Variants in TRIM68 observed in about 807,000 individuals in gnomAD.
TRIM68 encodes the protein tripartite motif containing 68.
A neutral mutation model predicts 41.9 loss-of-function variants in TRIM68; 36 were observed. The ratio of observed to expected loss-of-function variants is 0.86; its 90% CI spans 0.66 to 1.14. The LOEUF (loss-of-function observed/expected upper bound fraction) is 1.14. TRIM68 is among the 50% of genes most tolerant of loss of function. TRIM68 has a pLI of 0.00. For missense variants in TRIM68, 632 were observed against 605.1 expected (o/e 1.04, Z -0.47); for synonymous variants, 225 against 224.6 (o/e 1.00, Z -0.02).
Position 4,605,206 on chromosome 11 carries a change from C to A in TRIM68, c.299G>T (p.Arg100Leu). 6.2e-7 allele frequency: 1 copy of A among 1,614,264 alleles called. No homozygotes were observed. The highest frequency in any genetic ancestry group is 8.5e-7 in the Non-Finnish European group (1 of 1,180,044). ...GMGLKGDLCERHGEKLKMFCK... is the reference protein window; with the variant it reads ...GMGLKGDLCELHGEKLKMFCK... ...GAACATCTTCAGCTTTTCCCCATGG[C>A]GCTCACACAGGTCACCCTTCAGCCC... is the stretch of plus-strand genomic sequence containing the variant. The change falls in exon 2 of 7, where the codon CGC (arginine) becomes CTC (leucine). Residue 100 changes from arginine (R) to leucine (L), a missense_variant. Transcript: ENST00000300747.
chr11:4,601,776 A>G, intron 4 of TRIM68, 90 bp from the exon 5 acceptor site: 1 of 1,444,148 alleles, frequency 6.9e-7, no homozygotes, highest in Non-Finnish European at 9.7e-7. Flanking sequence ...TCTCTAGGGG[A>G]AGGGAGACAG....
Position 4,605,135 on chromosome 11 carries a change from G to C in TRIM68, c.370C>G (p.Pro124Ala). The part of the protein sequence containing the change: ...LIMCEACSQS[P>A]EHEAHSVVPM... The stretch of plus-strand genomic sequence containing the variant: ...ACAACACTGTGGGCCTCATGCTCTG[G>C]GGACTGGCTGCAGGCCTCACACATT... The change falls in exon 2 of 7, where the codon CCA (proline) becomes GCA (alanine). Residue 124 changes from proline to alanine, a missense_variant. Coordinates refer to ENST00000300747, the MANE Select transcript of TRIM68 (RefSeq NM_018073.8). The C allele has an allele frequency of 6.2e-7, 1 of 1,614,198 alleles. No homozygotes were observed. Among genetic ancestry groups the C allele is most frequent in the Non-Finnish European group, 8.5e-7 (1 of 1,180,036 alleles).
chr11:4,607,825 T>A (rs1057019596), intron 1 of TRIM68, among the ~76,000 whole-genome samples: 2 of 152,068 alleles, frequency 1.3e-5, no homozygotes, highest in Non-Finnish European at 2.9e-5. Flanking sequence ...GAAGGGCATT[T>A]GAGAAGGGGG....
chr11:4,603,183 G>A, intron 3 of TRIM68, 62 bp downstream of exon 3: 1 of 1,479,058 alleles, frequency 6.8e-7, no homozygotes, highest in South Asian at 1.1e-5. Flanking sequence ...TGCTACCCTA[G>A]GCCAGCTCCA....
In TRIM68 at chr11:4,602,286, G is replaced by A. The variant is rs1846503710; in HGVS notation, c.649C>T (p.Gln217Ter). The A allele has an allele frequency of 1.2e-6, 2 of 1,614,226 alleles. No individual in the cohort carries two copies. The highest frequency in any genetic ancestry group is 1.1e-5 in the South Asian group (1 of 91,090). ...TGCATGGTCTCCGCTGCCTCCCGCT[G>A]TAGGCTGGCCAGAGCTGCTGCTACC... ...AEVAAALASL[Q>*]REAAETMQKL... The change falls in exon 4 of 7, where the codon CAG becomes TAG. Residue 217 changes from glutamine (Q) to a stop codon, truncating the protein, a stop_gained. Transcript: ENST00000300747. LOFTEE classifies it high-confidence loss of function.
intron 1 of TRIM68, among the ~76,000 whole-genome samples, chr11:4,607,141 G>A (rs1846581231): frequency 1.3e-5 from 2 of 152,192 alleles, no homozygotes; most frequent in South Asian, 4.1e-4. Flanking sequence ...CAATCTACCT[G>A]ACTTGGGTGC....
intron 1 of TRIM68, among the ~76,000 whole-genome samples, chr11:4,607,224 T>C (rs961067505): frequency 1.3e-5 from 2 of 152,242 alleles, no homozygotes; most frequent in African/African-American, 2.4e-5. Context: ...TATTCGTCTA[T>C]TGTCTTACTT....
chr11:4,601,229 C>G lies in TRIM68; in HGVS notation c.807-102G>C. 4 of 876,318 alleles carry G rather than the reference C, an allele frequency of 4.6e-6. No individual in the cohort carries two copies. The South Asian group carries it at 5.5e-5, about 12-fold the overall frequency. The allele number at this position is 876,318 out of a possible 1,614,324, so 54.3% of individuals were successfully genotyped here. On this transcript the variant is annotated intron_variant, in intron 5 of 6. Coordinates refer to ENST00000300747, the MANE Select transcript of TRIM68 (RefSeq NM_018073.8). ...GGGCTTGGCCAGGGACATAGTGAACCCCAGCAAAGCAGAGACATGATGGTT... is the reference window on the plus strand; with the variant it reads ...GGGCTTGGCCAGGGACATAGTGAACGCCAGCAAAGCAGAGACATGATGGTT...
At chr11:4,606,632 G>C (rs1846574511) in intron 1 of TRIM68, among the ~76,000 whole-genome samples, 1 of 152,216 alleles carries the variant, frequency 6.6e-6, no homozygotes, top group Non-Finnish European at 1.5e-5. Flanking sequence ...TCTTTGAGCA[G>C]TTCTATGATG....
Position 4,605,515 on chromosome 11 carries a change from C to A in TRIM68, c.-11G>T. On this transcript the variant is annotated 5_prime_UTR_variant, in exon 2 of 7. Coordinates refer to ENST00000300747, the MANE Select transcript of TRIM68 (RefSeq NM_018073.8). ...GGCTGTGGGATCCATGGTTCCTTCT[C>A]ACACCCTCCTCAGAACATGAATGAA... is the stretch of plus-strand genomic sequence containing the variant. 6.3e-7 allele frequency: 1 copy of A among 1,596,628 alleles called. No homozygotes were observed. The highest frequency in any genetic ancestry group is 8.6e-7 in the Non-Finnish European group (1 of 1,168,832).
At position 4,601,036 on chromosome 11, in the gene TRIM68, T is replaced by A. The variant is rs768009198; in HGVS notation, c.898A>T (p.Thr300Ser). The A allele has an allele frequency of 1.2e-6, 2 of 1,614,088 alleles. No individual in the cohort carries two copies. The highest frequency in any genetic ancestry group is 8.5e-7 in the Non-Finnish European group (1 of 1,179,958). ...RVLGLREILKTYAADVRLDPD... is the reference protein window; with the variant it reads ...RVLGLREILKSYAADVRLDPD... Reference sequence around the variant, plus strand: ...CCCCAGGATCCATTACCTGCATAAGTCTTCAGGATCTCTCTTAGCCCCAGC... The same window carrying A: ...CCCCAGGATCCATTACCTGCATAAGACTTCAGGATCTCTCTTAGCCCCAGC... Residue 300 changes from threonine (T) to serine (S), a missense_variant, in exon 6 of 7, where the codon ACT becomes TCT. Transcript: ENST00000300747.
Position 4,598,683 on chromosome 11 carries a change from G to C in TRIM68, c.*1593C>G, listed in dbSNP as rs1427095957. 1 of 152,262 alleles carries C rather than the reference G, an allele frequency of 6.6e-6. No individual in the cohort carries two copies. The highest frequency in any genetic ancestry group is 2.4e-5 in the African/African-American group (1 of 41,468). The allele number at this position is 152,262 out of a possible 1,614,324, so 9.4% of individuals were successfully genotyped here. ...AAGCAGTCTGGAAGCATGGTGGACA[G>C]AATGCGTTTATTTCTCCAGTTTGGC... On this transcript the variant is annotated 3_prime_UTR_variant, in exon 7 of 7. Coordinates refer to ENST00000300747, the MANE Select transcript of TRIM68 (RefSeq NM_018073.8).
intron 2 of TRIM68, 44 bp downstream of exon 2, chr11:4,605,035 T>G (rs772966030): frequency 4.4e-6 from 7 of 1,592,040 alleles, no homozygotes; most frequent in Non-Finnish European, 6.0e-6. Context: ...AACAGCCAAC[T>G]TGGGGCCGGG....
At chr11:4,602,742 G>C (rs1846512365) in intron 3 of TRIM68, among the ~76,000 whole-genome samples, 1 of 152,152 alleles carries the variant, frequency 6.6e-6, no homozygotes. Context: ...TACACTGTTA[G>C]GTGGTTCATT....
chr11:4,599,581 T>A lies in TRIM68; in HGVS notation c.*695A>T, dbSNP rs1336838839. On this transcript the variant is annotated 3_prime_UTR_variant, in exon 7 of 7. Coordinates refer to ENST00000300747, the MANE Select transcript of TRIM68 (RefSeq NM_018073.8). Reference sequence around the variant, plus strand: ...AAAATACAAACTAAAGCTCGCAGGTTTTCTGATCCTGCCACTTAGAGAAAA... The same window carrying A: ...AAAATACAAACTAAAGCTCGCAGGTATTCTGATCCTGCCACTTAGAGAAAA... 6.6e-6 allele frequency: 1 copy of A among 152,226 alleles called. No individual in the cohort carries two copies. Among genetic ancestry groups the A allele is most frequent in the Non-Finnish European group, 1.5e-5 (1 of 68,048 alleles). 9.4% of individuals were successfully genotyped at this position (152,226 alleles called of 1,614,324 possible).
chr11:4,600,400 T>C lies in TRIM68; in HGVS notation c.1334A>G (p.His445Arg). The change falls in exon 7 of 7, where the codon CAC becomes CGC. Residue 445 changes from histidine to arginine, a missense_variant. Coordinates refer to ENST00000300747, the MANE Select transcript of TRIM68 (RefSeq NM_018073.8). ...SFYNVTDCGS[H>R]IFTFPRYPFP... ...GGGATAGCGGGGGAAAGTGAAGATGTGGGAGCCACAGTCAGTCACATTGTA... is the reference window on the plus strand; with the variant it reads ...GGGATAGCGGGGGAAAGTGAAGATGCGGGAGCCACAGTCAGTCACATTGTA... 6.2e-7 allele frequency: 1 copy of C among 1,614,102 alleles called. No individual in the cohort carries two copies. The highest frequency in any genetic ancestry group is 8.5e-7 in the Non-Finnish European group (1 of 1,180,022).
chr11:4,601,594 A>G, intron 5 of TRIM68, 70 bp downstream of exon 5: 1 of 1,556,310 alleles, frequency 6.4e-7, no homozygotes, highest in Admixed American at 1.7e-5. Context: ...CTCCGTCCCT[A>G]CTTCTGGCTC....
In TRIM68 at chr11:4,601,142, T is replaced by C. The variant is rs766748437; in HGVS notation, c.807-15A>G. ...AAGATTTGCTCCTGGTAGAGGAGGG[T>C]GAACCTCAGGGCCAGGAGTCCCGGC... On this transcript the variant is annotated splice_polypyrimidine_tract_variant and intron_variant, in intron 5 of 6. Coordinates refer to ENST00000300747, the MANE Select transcript of TRIM68 (RefSeq NM_018073.8). 5.6e-6 allele frequency: 9 copies of C among 1,607,318 alleles called. No homozygotes were observed. Among genetic ancestry groups the C allele is most frequent in the Non-Finnish European group, 5.1e-6 (6 of 1,173,822 alleles).
intron 5 of TRIM68, chr11:4,601,330 T>C: frequency 1.7e-6 from 1 of 602,736 alleles, no homozygotes; most frequent in Admixed American, 2.9e-5. Flanking sequence ...ATGGGAAGGG[T>C]TGGATGTATA....
Sources: gnomAD v4.1 joint callset for allele counts (sites outside exome capture counted in the v4.1 genomes callset) on GRCh38, gnomAD v4.1.1 for gene constraint, MANE v1.5 for transcripts, NCBI Gene and HGNC (gene_info 2026-07-23, HGNC 2026-07-21) for gene names.